The following RTN4RL1 variants were observed in gnomAD, a reference collection of about 807,000 sequenced individuals.
The protein encoded by RTN4RL1 is reticulon 4 receptor like 1, also known as reticulon-4 receptor-like 1.
In RTN4RL1, 7 loss-of-function variants were observed where a neutral mutation model predicts 25.6. The ratio of observed to expected loss-of-function variants is 0.27; its 90% CI spans 0.16 to 0.51. The LOEUF (loss-of-function observed/expected upper bound fraction) is 0.51, where lower values mean the gene tolerates loss of function less well. RTN4RL1 is among the 20% of genes least tolerant of loss of function. The pLI, the probability that RTN4RL1 is intolerant of heterozygous loss-of-function variation, is 0.97. For missense variants in RTN4RL1, 500 were observed against 615.6 expected, an observed-to-expected ratio of 0.81 and a Z score of 1.99; for synonymous variants, 297 against 288.2, an observed-to-expected ratio of 1.03 and a Z score of -0.31.
chr17:2,021,057 G>A (rs1349537719), intron 1 of RTN4RL1, among the ~76,000 whole-genome samples: 1 of 152,184 alleles, frequency 6.6e-6, no homozygotes, highest in Non-Finnish European at 1.5e-5. Flanking sequence ...AGCAGGGAGG[G>A]CAGCTGCTGA....
At chr17:1,964,320 C>G (rs1426082866) in intron 1 of RTN4RL1, among the ~76,000 whole-genome samples, 1 of 152,152 alleles carries the variant, frequency 6.6e-6, no homozygotes, top group Non-Finnish European at 1.5e-5. Context: ...CAGTGTGGCT[C>G]CTCACGCCTG....
chr17:1,963,769 T>C (rs544915801), intron 1 of RTN4RL1, among the ~76,000 whole-genome samples: 1 of 152,348 alleles, frequency 6.6e-6, no homozygotes, highest in East Asian at 1.9e-4. Context: ...TTCGCTCTTG[T>C]TGCCCGGGCT....
rs1471580505 is a variant in RTN4RL1 at position 1,998,649 on chromosome 17, T to C, written c.13+26204A>G. ...GCCTCCTCCTGGGCTCGCCGGGATG[T>C]GGCCTCCGAGGTCGCCGCGGCGCTT... On this transcript the variant is annotated intron_variant, in intron 1 of 1. Transcript: ENST00000331238. The surrounding 1 kb of genome is among the most constrained non-coding windows in gnomAD (Gnocchi z 4.9). Among the ~76,000 whole-genome samples, 1 of 151,904 alleles carries C rather than the reference T, an allele frequency of 6.6e-6. No homozygotes were observed. Among genetic ancestry groups the C allele is most frequent in the East Asian group, 1.9e-4 (1 of 5,156 alleles).
chr17:1,943,732 T>A (rs1915484318), intron 1 of RTN4RL1, among the ~76,000 whole-genome samples: 1 of 152,164 alleles, frequency 6.6e-6, no homozygotes, highest in South Asian at 2.1e-4. Flanking sequence ...GGTGGGCCCA[T>A]CATCCCCTCT....
At chr17:1,964,914 G>A (rs1308048323) in intron 1 of RTN4RL1, among the ~76,000 whole-genome samples, 3 of 142,970 alleles carry the variant, frequency 2.1e-5, no homozygotes. Context: ...TCAGCCCTCT[G>A]AGTAACTGGG....
At chr17:2,007,339 CACACA>C (rs2067005479) in intron 1 of RTN4RL1, among the ~76,000 whole-genome samples, 1 of 77,550 alleles carries the variant, frequency 1.3e-5, no homozygotes, top group East Asian at 4.1e-4. Context: ...ACAGCCCCAA[CACACA>C]CACACACACA....
chr17:2,012,089 G>T (rs529084008), intron 1 of RTN4RL1, among the ~76,000 whole-genome samples: 1 of 152,176 alleles, frequency 6.6e-6, no homozygotes, highest in African/African-American at 2.4e-5. Flanking sequence ...GCTTCCTCTG[G>T]CAATTTTAGC....
chr17:1,937,510 C>T lies in RTN4RL1; in HGVS notation c.312G>A (p.Glu104=), dbSNP rs1915336120. The change falls in exon 2 of 2, where the codon GAG becomes GAA. Residue 104 remains glutamate (E), a synonymous_variant. Transcript: ENST00000331238. Reference sequence around the variant, plus strand: ...GCTGCCGGTTGTCGCCGAGGTCCAGCTCCTCCAGGTGCACGAAGCCCTCGA... The same window carrying T: ...GCTGCCGGTTGTCGCCGAGGTCCAGTTCCTCCAGGTGCACGAAGCCCTCGA... ...STFEGFVHLE[E]LDLGDNRQLR... is the part of the protein sequence containing the mutation. The T allele has an allele frequency of 3.1e-6, 5 of 1,613,952 alleles. No homozygotes were observed. In the East Asian group the frequency reaches 8.9e-5, roughly 29 times the overall value.
At chr17:1,974,748 C>A (rs1048766600) in intron 1 of RTN4RL1, among the ~76,000 whole-genome samples, 2 of 152,034 alleles carry the variant, frequency 1.3e-5, no homozygotes, top group Non-Finnish European at 2.9e-5. Flanking sequence ...AAATACCCAG[C>A]GGTCACTCTC....
intron 1 of RTN4RL1, among the ~76,000 whole-genome samples, chr17:1,978,274 A>G: frequency 6.6e-6 from 1 of 152,198 alleles, no homozygotes; most frequent in East Asian, 1.9e-4. Context: ...AGCGGCCTCC[A>G]GGGTCCCCAC....
chr17:1,987,011 C>T (rs975991107), intron 1 of RTN4RL1, among the ~76,000 whole-genome samples: 6 of 152,114 alleles, frequency 3.9e-5, no homozygotes, highest in Admixed American at 6.5e-5. Flanking sequence ...TCGGGGCTGC[C>T]GCTGCGACAA....
intron 1 of RTN4RL1, among the ~76,000 whole-genome samples, chr17:1,973,552 C>T (rs1194605225): frequency 6.6e-6 from 1 of 150,834 alleles, no homozygotes; most frequent in Non-Finnish European, 1.5e-5. Flanking sequence ...TTCTTGAGTT[C>T]CTCAGGATTC....
chr17:1,959,569 TTTTG>T (rs1262463303), intron 1 of RTN4RL1, among the ~76,000 whole-genome samples: 6 of 152,064 alleles, frequency 3.9e-5, no homozygotes, highest in African/African-American at 1.4e-4. Context: ...CTTTGTTTTG[TTTTG>T]TTTTGTTTTG....
At chr17:2,021,488 C>T (rs2067200759) in intron 1 of RTN4RL1, among the ~76,000 whole-genome samples, 1 of 151,908 alleles carries the variant, frequency 6.6e-6, no homozygotes, top group Admixed American at 6.6e-5. Flanking sequence ...TCCAGGACCC[C>T]ACATAGGGCT....
At chr17:1,978,074 C>T (rs2066851032) in intron 1 of RTN4RL1, among the ~76,000 whole-genome samples, 1 of 152,162 alleles carries the variant, frequency 6.6e-6, no homozygotes, top group South Asian at 2.1e-4. Flanking sequence ...GCACCGCAAC[C>T]CTCCCGCGGC....
At chr17:1,970,378 T>C (rs4790852) in intron 1 of RTN4RL1, among the ~76,000 whole-genome samples, 58,926 of 151,892 alleles carry the variant, frequency 0.39, 11,811 homozygotes, top group Admixed American at 0.54. Flanking sequence ...GGTAGCTGGA[T>C]TTTTTACCTG....
intron 1 of RTN4RL1, among the ~76,000 whole-genome samples, chr17:1,999,142 T>TACACACACAC (rs147931732): frequency 2.2e-3 from 324 of 147,952 alleles, no homozygotes; most frequent in African/African-American, 7.9e-3. Flanking sequence ...GTGCTCATCA[T>TACACACACAC]ACACACACAC....
intron 1 of RTN4RL1, among the ~76,000 whole-genome samples, chr17:1,949,730 G>C (rs1915636351): frequency 6.6e-6 from 1 of 152,196 alleles, no homozygotes; most frequent in African/African-American, 2.4e-5. Flanking sequence ...CATTCTCCTG[G>C]GGGTGCAGTC....
At chr17:1,972,701 G>C (rs963629823) in intron 1 of RTN4RL1, among the ~76,000 whole-genome samples, 1 of 152,180 alleles carries the variant, frequency 6.6e-6, no homozygotes, top group East Asian at 1.9e-4. Flanking sequence ...CGACTCAGCC[G>C]CAAGTGCCTC....
Sources: gnomAD v4.1 joint callset for allele counts (sites outside exome capture counted in the v4.1 genomes callset) on GRCh38, gnomAD v4.1.1 for gene constraint, Gnocchi (gnomAD v3.1) non-coding constraint, MANE v1.5 for transcripts, NCBI Gene and HGNC (gene_info 2026-07-23, HGNC 2026-07-21) for gene names.